RARB: variants seen among roughly 807,000 people sequenced by gnomAD.
The protein encoded by RARB is HBV-activated protein.
In RARB, 17 loss-of-function variants were observed where a neutral mutation model predicts 51.9. The observed-to-expected ratio is 0.33, with a 90% CI of 0.22 to 0.49. The LOEUF (loss-of-function observed/expected upper bound fraction) is 0.49, where lower values mean the gene tolerates loss of function less well. RARB is among the 20% of genes least tolerant of loss of function. The pLI, the probability that RARB is intolerant of heterozygous loss-of-function variation, is 0.99. For missense variants in RARB, 369 were observed against 550.8 expected (o/e 0.67, Z 3.30); for synonymous variants, 215 against 195.4 (o/e 1.10, Z -0.84).
Position 25,248,266 on chromosome 3 carries a change from G to A in RARB, c.178+73691G>A, listed in dbSNP as rs115055019. ...TACTTTCAATCTATATGTCTTTAAGGTGAGGTGAGTTTCTTGTAAGCAGCA... is the reference window on the plus strand; with the variant it reads ...TACTTTCAATCTATATGTCTTTAAGATGAGGTGAGTTTCTTGTAAGCAGCA... On this transcript the variant is annotated intron_variant, in intron 5 of 11. Transcript: ENST00000383772. 9.1e-3 allele frequency among the ~76,000 whole-genome samples: 1,377 copies of A among 152,088 alleles called. 25 individuals carry two copies. The highest frequency in any genetic ancestry group is 0.032 in the African/African-American group (1,314 of 41,466).
chr3:25,282,131 A>G (rs1420866162), intron 5 of RARB, among the ~76,000 whole-genome samples: 1 of 152,190 alleles, frequency 6.6e-6, no homozygotes, highest in East Asian at 1.9e-4. Context: ...TCATGCAGGA[A>G]GAGATTTAAT....
intron 5 of RARB, among the ~76,000 whole-genome samples, chr3:25,375,916 C>G (rs1706446894): frequency 6.6e-6 from 1 of 152,116 alleles, no homozygotes; most frequent in Non-Finnish European, 1.5e-5. Context: ...GCTATGTGGC[C>G]TTGAGGGTTA....
At chr3:24,893,983 A>G (rs1284824695) in intron 2 of RARB, among the ~76,000 whole-genome samples, 1 of 151,370 alleles carries the variant, frequency 6.6e-6, no homozygotes, top group African/African-American at 2.5e-5. Flanking sequence ...TATATTTGAA[A>G]TATTTGTTGA....
chr3:25,372,800 T>C (rs1706340445), intron 5 of RARB, among the ~76,000 whole-genome samples: 1 of 152,056 alleles, frequency 6.6e-6, no homozygotes, highest in Non-Finnish European at 1.5e-5. Flanking sequence ...CACTCCAGCC[T>C]GAACAACAGA....
At chr3:24,860,878 AT>A (rs1702737636) in intron 2 of RARB, among the ~76,000 whole-genome samples, 1 of 152,188 alleles carries the variant, frequency 6.6e-6, no homozygotes, top group African/African-American at 2.4e-5. Flanking sequence ...TTGTATACTA[AT>A]GACTTAGTAT....
chr3:25,560,854 C>T (rs1045177644), intron 3 of RARB, among the ~76,000 whole-genome samples: 2 of 152,132 alleles, frequency 1.3e-5, no homozygotes, highest in Non-Finnish European at 2.9e-5. Flanking sequence ...ACCCCTCATG[C>T]TTTATTTGAC....
At chr3:25,449,811 G>T (rs1016928886) in intron 1 of RARB, among the ~76,000 whole-genome samples, 1 of 150,992 alleles carries the variant, frequency 6.6e-6, no homozygotes, top group African/African-American at 2.4e-5. Context: ...GAGTGCAATG[G>T]TGCGATCTCG....
At chr3:25,409,367 C>A (rs1279821373) in intron 5 of RARB, among the ~76,000 whole-genome samples, 4 of 152,120 alleles carry the variant, frequency 2.6e-5, no homozygotes, top group African/African-American at 9.7e-5. Context: ...ACACCATATG[C>A]CATCATCTGC....
Position 25,201,704 on chromosome 3 carries a change from G to T in RARB, c.178+27129G>T, listed in dbSNP as rs146212119. Among the ~76,000 whole-genome samples the T allele has an allele frequency of 7.1e-3, 1,080 of 152,112 alleles. 12 individuals carry two copies. The highest frequency in any genetic ancestry group is 0.024 in the African/African-American group (998 of 41,514). The stretch of plus-strand genomic sequence containing the variant: ...TTGAGATAATCATGTGGTTTTTGTC[G>T]TTGGTTCTGTTTATATGCTGGATTA... On this transcript the variant is annotated intron_variant, in intron 5 of 11. Transcript: ENST00000383772.
chr3:25,154,352 G>C (rs1161540946), intron 4 of RARB, among the ~76,000 whole-genome samples: 1 of 152,222 alleles, frequency 6.6e-6, no homozygotes, highest in Non-Finnish European at 1.5e-5. Context: ...GAATTCTGGA[G>C]TCAGCCTTCA....
intron 5 of RARB, among the ~76,000 whole-genome samples, chr3:25,328,232 C>G (rs1704782795): frequency 6.6e-6 from 1 of 152,282 alleles, no homozygotes; most frequent in Non-Finnish European, 1.5e-5. Flanking sequence ...TAAGTAGTTG[C>G]CTCTAGGCCG....
chr3:25,046,140 A>G (rs189533997), intron 2 of RARB, among the ~76,000 whole-genome samples: 1 of 152,192 alleles, frequency 6.6e-6, no homozygotes. Flanking sequence ...GAAATTAGGG[A>G]AAGAAAATGA....
At chr3:25,053,944 T>C (rs569331194) in intron 2 of RARB, among the ~76,000 whole-genome samples, 1 of 152,256 alleles carries the variant, frequency 6.6e-6, no homozygotes, top group East Asian at 1.9e-4. Flanking sequence ...CACAGGGCAT[T>C]GTAATCCCAT....
At chr3:24,913,734 T>A (rs542978077) in intron 2 of RARB, among the ~76,000 whole-genome samples, 39 of 152,316 alleles carry the variant, frequency 2.6e-4, no homozygotes, top group Non-Finnish European at 5.0e-4. Context: ...GGATAATTAA[T>A]CTTTACAGTC....
At chr3:25,518,641 G>T (rs1317999837) in intron 3 of RARB, among the ~76,000 whole-genome samples, 1 of 152,100 alleles carries the variant, frequency 6.6e-6, no homozygotes, top group African/African-American at 2.4e-5. Context: ...CTCAAAACAA[G>T]AGTTGACTCT....
chr3:25,398,865 G>A (rs572141169), intron 5 of RARB, among the ~76,000 whole-genome samples: 11 of 152,120 alleles, frequency 7.2e-5, no homozygotes, highest in East Asian at 1.9e-4. Flanking sequence ...ATGTCTGTAC[G>A]CAATATGTTA....
At chr3:25,428,920 GAA>G in intron 1 of RARB, 32 bp downstream of exon 1, 4 of 1,473,336 alleles carry the variant, frequency 2.7e-6, no homozygotes, top group Non-Finnish European at 3.7e-6. Flanking sequence ...CTTCTACCAA[GAA>G]AAAAAAAATT....
intron 4 of RARB, among the ~76,000 whole-genome samples, chr3:25,160,121 C>CT (rs1700449900): frequency 6.6e-6 from 1 of 152,184 alleles, no homozygotes; most frequent in African/African-American, 2.4e-5. Context: ...AACTGTTTAA[C>CT]TGTCTCCATC....
At chr3:25,111,314 G>A (rs1699596867) in intron 3 of RARB, among the ~76,000 whole-genome samples, 1 of 152,132 alleles carries the variant, frequency 6.6e-6, no homozygotes, top group African/African-American at 2.4e-5. Flanking sequence ...ATTACCAGCA[G>A]CTATTCTTAA....
Sources: gnomAD v4.1 joint callset for allele counts (sites outside exome capture counted in the v4.1 genomes callset) on GRCh38, gnomAD v4.1.1 for gene constraint, MANE v1.5 for transcripts, NCBI Gene and HGNC (gene_info 2026-07-23, HGNC 2026-07-21) for gene names.